The following ZNF486 variants were observed in gnomAD, a reference collection of about 807,000 sequenced individuals.
The protein encoded by ZNF486 is zinc finger protein 486.
Under a neutral mutation model 12.8 loss-of-function variants are expected in ZNF486, and 12 were observed. The observed-to-expected ratio is 0.94, with a 90% confidence interval of 0.60 to 1.52. The LOEUF is 1.52. Among genes scored for constraint, ZNF486 ranks in the 40% most tolerant of loss-of-function variants. ZNF486 has a pLI of 0.00. For missense variants in ZNF486, 738 were observed against 545.0 expected (o/e 1.35, Z -3.53); for synonymous variants, 231 against 184.9 (o/e 1.25, Z -2.02).
At chr19:20,189,612 A>G (rs1346934138) in intron 3 of ZNF486, among the ~76,000 whole-genome samples, 1 of 152,102 alleles carries the variant, frequency 6.6e-6, no homozygotes, top group Non-Finnish European at 1.5e-5. Flanking sequence ...ATTCTTTCAA[A>G]TGCTTTTTCC....
At chr19:20,168,886 G>T (rs1555713388) in intron 1 of ZNF486, among the ~76,000 whole-genome samples, 2 of 151,880 alleles carry the variant, frequency 1.3e-5, no homozygotes, top group Non-Finnish European at 2.9e-5. Flanking sequence ...TGTGGCCCAG[G>T]CTGGAGTGCA....
rs2090001159 is a variant in ZNF486 at position 20,200,325 on chromosome 19, C to T, written c.*2223C>T. The T allele has an allele frequency of 6.6e-6, 1 of 151,986 alleles. No individual in the cohort carries two copies. Among genetic ancestry groups the T allele is most frequent in the African/African-American group, 2.4e-5 (1 of 41,372 alleles). The allele number at this position is 151,986 out of a possible 1,614,324, so 9.4% of individuals were successfully genotyped here. A position where few individuals can be genotyped will look rare whatever the true frequency, so the allele number is the denominator to read the frequency against. ...CATGATGAAAATATAAGTGGAGAGG[C>T]TCTTTGTAGTTAACCTATATGAAGT... On this transcript the variant is annotated 3_prime_UTR_variant, in exon 4 of 4. Coordinates refer to ENST00000335117, the MANE Select transcript of ZNF486 (RefSeq NM_052852.4).
chr19:20,177,027 A>G (rs1555714934), intron 1 of ZNF486: 1 of 152,190 alleles, frequency 6.6e-6, no homozygotes, highest in Non-Finnish European at 1.5e-5. Flanking sequence ...TGAATGTGTA[A>G]TTCTACCCAG....
At chr19:20,168,965 C>G (rs2089615511) in intron 1 of ZNF486, among the ~76,000 whole-genome samples, 1 of 151,984 alleles carries the variant, frequency 6.6e-6, no homozygotes, top group Admixed American at 6.5e-5. Flanking sequence ...CTCAGCCTCC[C>G]AAGTAGCTGG....
chr19:20,199,857 C>A lies in ZNF486; in HGVS notation c.*1755C>A. On this transcript the variant is annotated 3_prime_UTR_variant, in exon 4 of 4. Transcript: ENST00000335117. ...TTGGGAGGCCAAGGCAGGTGGATCACGAGGTCAGGAGTTCAAGACCATCTT... is the reference window on the plus strand; with the variant it reads ...TTGGGAGGCCAAGGCAGGTGGATCAAGAGGTCAGGAGTTCAAGACCATCTT... The A allele has an allele frequency of 6.6e-6, 1 of 152,054 alleles. No homozygotes were observed. The highest frequency in any genetic ancestry group is 1.9e-4 in the East Asian group (1 of 5,192). The allele number at this position is 152,054 out of a possible 1,614,324, so 9.4% of individuals were successfully genotyped here. A position where few individuals can be genotyped will look rare whatever the true frequency, so the allele number is the denominator to read the frequency against.
At chr19:20,179,617 A>G (rs906427436) in intron 1 of ZNF486, among the ~76,000 whole-genome samples, 6 of 152,146 alleles carry the variant, frequency 3.9e-5, no homozygotes, top group Admixed American at 3.9e-4. Flanking sequence ...TTTGCAGATA[A>G]GGTCTGCCCT....
chr19:20,188,120 CAG>C (rs2089868390), intron 3 of ZNF486, among the ~76,000 whole-genome samples: 1 of 152,028 alleles, frequency 6.6e-6, no homozygotes, highest in Admixed American at 6.6e-5. Context: ...TATTGAGTAT[CAG>C]AGAGCATTCC....
chr19:20,194,384 A>C (rs1240485684), intron 3 of ZNF486, among the ~76,000 whole-genome samples: 1 of 152,184 alleles, frequency 6.6e-6, no homozygotes, highest in Non-Finnish European at 1.5e-5. Flanking sequence ...AAATTATTAT[A>C]ACTTTAGCAA....
chr19:20,180,353 T>C (rs11881830), intron 1 of ZNF486, among the ~76,000 whole-genome samples: 12,015 of 152,092 alleles, frequency 0.079, 737 homozygotes, highest in African/African-American at 0.18. Context: ...TTGCTTCCAT[T>C]TCATATGGCC....
chr19:20,171,070 G>A (rs1463530365), intron 1 of ZNF486, among the ~76,000 whole-genome samples: 2 of 152,194 alleles, frequency 1.3e-5, no homozygotes, highest in Non-Finnish European at 2.9e-5. Flanking sequence ...GCTGACTTTA[G>A]GTGCTGTCAG....
At chr19:20,180,582 T>C (rs2089773883) in intron 1 of ZNF486, among the ~76,000 whole-genome samples, 1 of 152,166 alleles carries the variant, frequency 6.6e-6, no homozygotes, top group Admixed American at 6.5e-5. Flanking sequence ...TTATTATAAT[T>C]TTTTTTCTTT....
chr19:20,184,087 ACATGTT>A (rs782349802), intron 1 of ZNF486, among the ~76,000 whole-genome samples: 4 of 152,244 alleles, frequency 2.6e-5, no homozygotes, highest in African/African-American at 4.8e-5. Context: ...TCAAAAATGT[ACATGTT>A]CATGTTCATG....
chr19:20,182,757 G>C (rs1306547333), intron 1 of ZNF486, among the ~76,000 whole-genome samples: 1 of 152,118 alleles, frequency 6.6e-6, no homozygotes, highest in Non-Finnish European at 1.5e-5. Flanking sequence ...GACAGAAATA[G>C]GTGGGCTTTT....
At chr19:20,194,369 T>A (rs529063407) in intron 3 of ZNF486, among the ~76,000 whole-genome samples, 19 of 152,312 alleles carry the variant, frequency 1.2e-4, no homozygotes, top group Middle Eastern at 3.4e-3. Context: ...GACAGCTTTT[T>A]AAAAAAATTA....
At chr19:20,185,062 G>A (rs1356259315) in intron 2 of ZNF486, among the ~76,000 whole-genome samples, 1 of 152,140 alleles carries the variant, frequency 6.6e-6, no homozygotes, top group African/African-American at 2.4e-5. Context: ...GGTGAGCCGA[G>A]ACTGAGCCAT....
chr19:20,175,842 T>G (rs933014727), intron 1 of ZNF486, among the ~76,000 whole-genome samples: 1 of 152,214 alleles, frequency 6.6e-6, no homozygotes, highest in African/African-American at 2.4e-5. Context: ...CAATGAGCTG[T>G]TGGGTACACC....
chr19:20,197,054 G>A lies in ZNF486; in HGVS notation c.344G>A (p.Cys115Tyr), dbSNP rs997946870. ...GTGATACTGAGAAAATTTGAAAAAT[G>A]TGGACATGGCAATTTACACTTTAAA... is the stretch of plus-strand genomic sequence containing the variant. ...QKVILRKFEK[C>Y]GHGNLHFKKG... Residue 115 changes from cysteine to tyrosine, a missense_variant, in exon 4 of 4, where the codon TGT (cysteine) becomes TAT (tyrosine). Coordinates refer to ENST00000335117, the MANE Select transcript of ZNF486 (RefSeq NM_052852.4). 2 of 1,611,606 alleles carry A rather than the reference G, an allele frequency of 1.2e-6. No individual in the cohort carries two copies. The highest frequency in any genetic ancestry group is 1.3e-5 in the African/African-American group (1 of 74,746).
chr19:20,200,179 G>A lies in ZNF486; in HGVS notation c.*2077G>A, dbSNP rs2089999878. On this transcript the variant is annotated 3_prime_UTR_variant, in exon 4 of 4. Coordinates refer to ENST00000335117, the MANE Select transcript of ZNF486 (RefSeq NM_052852.4). ...TTTATGCTGTTATTTTATTCTTATT[G>A]TATTCACATGTGAAAGCATGTGATC... is the stretch of plus-strand genomic sequence containing the variant. 1 of 149,324 alleles carries A rather than the reference G, an allele frequency of 6.7e-6. No homozygotes were observed. Among genetic ancestry groups the A allele is most frequent in the Middle Eastern group, 3.4e-3 (1 of 292 alleles). The allele number at this position is 149,324 out of a possible 1,614,324, so 9.2% of individuals were successfully genotyped here. A position where few individuals can be genotyped will look rare whatever the true frequency, so the allele number is the denominator to read the frequency against.
At chr19:20,185,257 G>T (rs1042532972) in intron 2 of ZNF486, among the ~76,000 whole-genome samples, 19 of 151,820 alleles carry the variant, frequency 1.3e-4, no homozygotes, top group Non-Finnish European at 2.2e-4. Flanking sequence ...ATTATTTAAT[G>T]GTATAGTAAA....
Sources: allele counts gnomAD v4.1 joint callset (sites outside exome capture counted in the v4.1 genomes callset), GRCh38; gene constraint gnomAD v4.1.1; transcripts MANE v1.5; gene names NCBI Gene and HGNC (gene_info 2026-07-23, HGNC 2026-07-21).